Variants in HDAC9 observed in about 807,000 individuals in gnomAD.
The protein encoded by HDAC9 is histone deacetylase 9.
HDAC9 carries 41 observed loss-of-function variants against 139.4 expected under a neutral mutation model. The ratio of observed to expected loss-of-function variants is 0.29; its 90% confidence interval spans 0.23 to 0.38. The LOEUF (loss-of-function observed/expected upper bound fraction) is 0.38. Among genes scored for constraint, HDAC9 ranks in the 10% least tolerant of loss-of-function variants. The probability of loss-of-function intolerance (pLI) is 1.00; values close to 1 mark genes in which losing one functional copy is unlikely to be tolerated. For synonymous variants in HDAC9, 517 were observed against 476.2 expected, an observed-to-expected ratio of 1.09 and a Z score of -1.12; for missense variants, 1,147 against 1,297.0, an observed-to-expected ratio of 0.88 and a Z score of 1.78.
chr7:18,703,629 C>A lies in HDAC9; in HGVS notation c.1732-23951C>A, dbSNP rs548540267. On this transcript the variant is annotated intron_variant, in intron 12 of 25. Transcript: ENST00000686413. ...TTTATTTAGACGTAGTGAACTAATG[C>A]ATGCATGTTTATGAAGGATTTCAAA... Among the ~76,000 whole-genome samples the A allele has an allele frequency of 6.6e-5, 10 of 152,218 alleles. 1 individual carries two copies. The South Asian group carries it at 2.1e-3, about 32-fold the overall frequency.
At chr7:18,094,833 A>G (rs908553525) in intron 1 of HDAC9, among the ~76,000 whole-genome samples, 1 of 152,260 alleles carries the variant, frequency 6.6e-6, no homozygotes, top group Non-Finnish European at 1.5e-5. Flanking sequence ...ACTTGGAGCT[A>G]GCAAGTGGCT....
intron 12 of HDAC9, among the ~76,000 whole-genome samples, chr7:18,696,920 T>C (rs1201199089): frequency 7.9e-5 from 12 of 152,082 alleles, no homozygotes; most frequent in Admixed American, 7.9e-4. Flanking sequence ...TGAGCATCAT[T>C]GGCGCTGAGG....
At chr7:18,765,188 A>G (rs76523436) in intron 15 of HDAC9, among the ~76,000 whole-genome samples, 1 of 152,198 alleles carries the variant, frequency 6.6e-6, no homozygotes, top group Non-Finnish European at 1.5e-5. Context: ...TTAAAGTATC[A>G]ATTATATGCC....
At chr7:18,713,893 TA>T (rs201662475) in intron 12 of HDAC9, among the ~76,000 whole-genome samples, 15,245 of 152,130 alleles carry the variant, frequency 0.1, 762 homozygotes, top group South Asian at 0.15. Flanking sequence ...ATTTTGGTAA[TA>T]GAGTCAATTT....
chr7:18,881,895 AC>A (rs1243096532), intron 22 of HDAC9, among the ~76,000 whole-genome samples: 1 of 152,132 alleles, frequency 6.6e-6, no homozygotes, highest in Non-Finnish European at 1.5e-5. Context: ...CCCACCAGGT[AC>A]CACTTCATGA....
intron 22 of HDAC9, among the ~76,000 whole-genome samples, chr7:18,896,480 T>C (rs897422812): frequency 2.6e-5 from 4 of 152,026 alleles, no homozygotes; most frequent in Admixed American, 6.6e-5. Context: ...ACCAGAGAAT[T>C]CAGTAGCTTA....
chr7:18,518,969 G>A (rs920311588), intron 2 of HDAC9, among the ~76,000 whole-genome samples: 2 of 152,176 alleles, frequency 1.3e-5, no homozygotes, highest in Non-Finnish European at 2.9e-5. Flanking sequence ...CTATAGTGTG[G>A]TAGAAATTGA....
intron 1 of HDAC9, among the ~76,000 whole-genome samples, chr7:18,373,825 T>C (rs1784773101): frequency 6.6e-6 from 1 of 152,122 alleles, no homozygotes; most frequent in East Asian, 1.9e-4. Flanking sequence ...TAAGTCATGC[T>C]AACTTTTAAA....
At chr7:18,577,516 AT>A (rs961034895) in intron 2 of HDAC9, among the ~76,000 whole-genome samples, 1 of 152,114 alleles carries the variant, frequency 6.6e-6, no homozygotes, top group African/African-American at 2.4e-5. Flanking sequence ...TTTCAGTTGG[AT>A]GCCTGTCTCA....
At chr7:18,207,441 C>G (rs894861082) in intron 2 of HDAC9, among the ~76,000 whole-genome samples, 2 of 150,656 alleles carry the variant, frequency 1.3e-5, no homozygotes, top group African/African-American at 2.4e-5. Context: ...GGTTCTCACT[C>G]TATCATCCAG....
At chr7:18,390,031 G>T (rs1042036491) in intron 1 of HDAC9, among the ~76,000 whole-genome samples, 1 of 136,766 alleles carries the variant, frequency 7.3e-6, no homozygotes, top group African/African-American at 2.7e-5. Context: ...AGTTGTGTTT[G>T]ACCCTAGAGA....
At position 18,500,197 on chromosome 7, in the gene HDAC9, A is replaced by G. The variant is rs565287951; in HGVS notation, c.22+3873A>G. ...TATGTCCGTTAAGTAAGAAAATCCA[A>G]TAAAACCCCTTGGAAGACTGAAATA... On this transcript the variant is annotated intron_variant, in intron 2 of 25. Coordinates refer to ENST00000686413, the MANE Select transcript of HDAC9 (RefSeq NM_178425.4). Among the ~76,000 whole-genome samples the G allele has an allele frequency of 4.4e-4, 67 of 152,320 alleles. 1 individual carries two copies. The highest frequency in any genetic ancestry group is 1.7e-3 in the East Asian group (9 of 5,184).
chr7:18,630,614 A>T (rs1782052043), intron 7 of HDAC9, among the ~76,000 whole-genome samples: 1 of 152,160 alleles, frequency 6.6e-6, no homozygotes, highest in African/African-American at 2.4e-5. Flanking sequence ...AATGGAAAGT[A>T]TTTCCTTGGG....
chr7:18,236,952 C>G (rs942906337), intron 2 of HDAC9, among the ~76,000 whole-genome samples: 1 of 152,194 alleles, frequency 6.6e-6, no homozygotes, highest in African/African-American at 2.4e-5. Flanking sequence ...TCCCAGTTGG[C>G]TTGAGACTTT....
intron 21 of HDAC9, among the ~76,000 whole-genome samples, chr7:18,869,424 A>C (rs1230632059): frequency 6.6e-6 from 1 of 151,470 alleles, no homozygotes; most frequent in African/African-American, 2.4e-5. Flanking sequence ...TCTTCCTCCT[A>C]CTCTGCCATG....
intron 1 of HDAC9, among the ~76,000 whole-genome samples, chr7:18,161,076 T>A (rs1787598340): frequency 6.6e-6 from 1 of 152,194 alleles, no homozygotes; most frequent in South Asian, 2.1e-4. Context: ...ATCAATATAA[T>A]TTTTGAAGGA....
chr7:18,415,257 T>G (rs953668603), intron 1 of HDAC9, among the ~76,000 whole-genome samples: 1 of 152,238 alleles, frequency 6.6e-6, no homozygotes, highest in Non-Finnish European at 1.5e-5. Context: ...TGTTTTTCTG[T>G]GTAAACTAGA....
intron 7 of HDAC9, among the ~76,000 whole-genome samples, chr7:18,630,393 A>C (rs1781978577): frequency 6.6e-6 from 1 of 152,052 alleles, no homozygotes; most frequent in Non-Finnish European, 1.5e-5. Context: ...TTTTAAAAAA[A>C]TTCTTTATTT....
chr7:18,363,948 T>C (rs1204389973), intron 1 of HDAC9, among the ~76,000 whole-genome samples: 1 of 152,168 alleles, frequency 6.6e-6, no homozygotes, highest in African/African-American at 2.4e-5. Flanking sequence ...TTCCTAAAGA[T>C]TTTCAGGTCC....
Sources: gnomAD v4.1 joint callset for allele counts (sites outside exome capture counted in the v4.1 genomes callset) on GRCh38, gnomAD v4.1.1 for gene constraint, MANE v1.5 for transcripts, NCBI Gene and HGNC (gene_info 2026-07-23, HGNC 2026-07-21) for gene names.